The following NCOA1 variants were observed in gnomAD, a reference collection of about 807,000 sequenced individuals.
The protein encoded by NCOA1 is Hin-2 protein.
In NCOA1, 35 loss-of-function variants were observed where a neutral mutation model predicts 150.9. That is an observed-to-expected ratio of 0.23 (90% confidence interval 0.18 to 0.31). NCOA1 has a LOEUF of 0.31. Ranked by LOEUF, NCOA1 falls within the 10% of genes least tolerant of loss-of-function variation. The pLI is 1.00. For synonymous variants in NCOA1, 590 were observed against 630.0 expected (o/e 0.94, Z 0.95); for missense variants, 1,491 against 1,749.3 (o/e 0.85, Z 2.63).
intron 3 of NCOA1, among the ~76,000 whole-genome samples, chr2:24,641,368 G>T (rs1175276994): frequency 2.0e-5 from 3 of 151,234 alleles, no homozygotes; most frequent in Non-Finnish European, 3.0e-5. Flanking sequence ...TTCTTTTAAA[G>T]AATAAAAAGA....
chr2:24,655,424 G>A (rs1670894630), intron 4 of NCOA1, among the ~76,000 whole-genome samples: 1 of 151,878 alleles, frequency 6.6e-6, no homozygotes, highest in Admixed American at 6.6e-5. Flanking sequence ...CATAATACAT[G>A]GCATATATAA....
At position 24,769,683 on chromosome 2, in the gene NCOA1, A is replaced by G. The variant is rs1360316990; in HGVS notation, c.*1292A>G. 4.6e-6 allele frequency: 1 copy of G among 217,040 alleles called. No individual in the cohort carries two copies. Among genetic ancestry groups the G allele is most frequent in the Non-Finnish European group, 9.3e-6 (1 of 107,606 alleles). 13.4% of individuals were successfully genotyped at this position (217,040 alleles called of 1,614,324 possible). A position where few individuals can be genotyped will look rare whatever the true frequency, so the allele number is the denominator to read the frequency against. On this transcript the variant is annotated 3_prime_UTR_variant, in exon 23 of 23. Coordinates refer to ENST00000348332, the MANE Select transcript of NCOA1 (RefSeq NM_003743.5). The stretch of plus-strand genomic sequence containing the variant: ...TCCTGCTCTGAGGCTAATTGGTACC[A>G]TATTTTCCCTTTGTGTCTTGTGACT...
At chr2:24,524,006 A>G (rs1227048987) in intron 1 of NCOA1, among the ~76,000 whole-genome samples, 2 of 151,430 alleles carry the variant, frequency 1.3e-5, no homozygotes, top group Non-Finnish European at 2.9e-5. Flanking sequence ...GAAGGAGAAA[A>G]GTTGTGAAGA....
At chr2:24,709,222 A>C (rs1346897979) in intron 13 of NCOA1, among the ~76,000 whole-genome samples, 1 of 152,254 alleles carries the variant, frequency 6.6e-6, no homozygotes, top group Non-Finnish European at 1.5e-5. Context: ...TGTTTTGTGC[A>C]CATGTGTATG....
intron 14 of NCOA1, among the ~76,000 whole-genome samples, chr2:24,716,346 A>G (rs1330172474): frequency 1.3e-5 from 2 of 152,156 alleles, no homozygotes; most frequent in South Asian, 2.1e-4. Context: ...GTTTTGGAAT[A>G]AAAATAGACA....
At chr2:24,562,408 A>T (rs528475976) in intron 1 of NCOA1, among the ~76,000 whole-genome samples, 7 of 152,238 alleles carry the variant, frequency 4.6e-5, no homozygotes, top group Admixed American at 6.5e-5. Flanking sequence ...GCAGTCTGAA[A>T]CACTTCTGGT....
chr2:24,726,571 C>G lies in NCOA1; in HGVS notation c.2600-18C>G. On this transcript the variant is annotated intron_variant, in intron 14 of 22. Transcript: ENST00000348332. ...CTCCACTGAGATAATGACTTCTTAC[C>G]TTTTCTTCTTAAATCAGGATTACCT... is the stretch of plus-strand genomic sequence containing the variant. 1.3e-6 allele frequency: 2 copies of G among 1,537,316 alleles called. No homozygotes were observed. Among genetic ancestry groups the G allele is most frequent in the Non-Finnish European group, 1.8e-6 (2 of 1,116,450 alleles).
chr2:24,589,256 C>T (rs1667544750), intron 3 of NCOA1, among the ~76,000 whole-genome samples: 1 of 152,136 alleles, frequency 6.6e-6, no homozygotes, highest in African/African-American at 2.4e-5. Context: ...CCAGAACTGT[C>T]TGAGACCTGT....
chr2:24,768,005 T>G, intron 22 of NCOA1: 2 of 1,485,562 alleles, frequency 1.3e-6, no homozygotes, highest in Non-Finnish European at 1.9e-6. Flanking sequence ...ACCATTCCAA[T>G]TTTGATTTTA....
chr2:24,658,840 T>G lies in NCOA1; in HGVS notation c.89+74T>G, dbSNP rs1671058945. 4 of 1,331,420 alleles carry G rather than the reference T, an allele frequency of 3.0e-6. No homozygotes were observed. In the African/African-American group the frequency reaches 5.8e-5, roughly 19 times the overall value. 82.5% of individuals were successfully genotyped at this position (1,331,420 alleles called of 1,614,324 possible). On this transcript the variant is annotated intron_variant, in intron 5 of 22. Coordinates refer to ENST00000348332, the MANE Select transcript of NCOA1 (RefSeq NM_003743.5). ...TTCACTGCCACTTCAGAGCTTTTGT[T>G]TAATCTACTCCAAGTTCAGTGGCTT...
intron 3 of NCOA1, among the ~76,000 whole-genome samples, chr2:24,587,154 A>G (rs1667448931): frequency 6.6e-6 from 1 of 151,404 alleles, no homozygotes; most frequent in South Asian, 2.1e-4. Context: ...CAAACCACAC[A>G]CTGTAGCCCA....
chr2:24,565,239 C>G (rs1666450650), intron 2 of NCOA1, among the ~76,000 whole-genome samples: 1 of 152,182 alleles, frequency 6.6e-6, no homozygotes, highest in African/African-American at 2.4e-5. Context: ...GTTCTGTTTT[C>G]ACATGAATTC....
intron 3 of NCOA1, among the ~76,000 whole-genome samples, chr2:24,635,963 TGACATTA>T (rs1319534084): frequency 6.6e-6 from 1 of 152,186 alleles, no homozygotes; most frequent in Non-Finnish European, 1.5e-5. Context: ...TTCAATTTGC[TGACATTA>T]AACATTCCAC....
chr2:24,600,776 C>T (rs2148355863), intron 3 of NCOA1, among the ~76,000 whole-genome samples: 1 of 152,332 alleles, frequency 6.6e-6, no homozygotes, highest in Middle Eastern at 3.4e-3. Flanking sequence ...ATCCTCCAAA[C>T]CTTATTGCCT....
chr2:24,537,630 T>C (rs1431838570), intron 1 of NCOA1, among the ~76,000 whole-genome samples: 19 of 151,964 alleles, frequency 1.3e-4, no homozygotes, highest in Admixed American at 1.2e-3. Context: ...AAATAGCTGA[T>C]GTATAGGATG....
chr2:24,614,143 G>C (rs1010371898), intron 3 of NCOA1, among the ~76,000 whole-genome samples: 1 of 135,106 alleles, frequency 7.4e-6, no homozygotes, highest in African/African-American at 2.7e-5. Flanking sequence ...TGCCCCAGGA[G>C]TATCTGGAAG....
intron 13 of NCOA1, among the ~76,000 whole-genome samples, chr2:24,710,012 G>A (rs1354601373): frequency 6.6e-6 from 1 of 151,960 alleles, no homozygotes; most frequent in African/African-American, 2.4e-5. Context: ...GTGAAATAAA[G>A]GCCAGTTTTC....
At chr2:24,547,957 C>G (rs1383423240) in intron 1 of NCOA1, among the ~76,000 whole-genome samples, 1 of 135,220 alleles carries the variant, frequency 7.4e-6, no homozygotes. Context: ...CCACTGAACT[C>G]CAGCCTGGGC....
chr2:24,598,573 A>AT (rs1667976953), intron 3 of NCOA1, among the ~76,000 whole-genome samples: 1 of 152,182 alleles, frequency 6.6e-6, no homozygotes. Flanking sequence ...GAGAAGCCTG[A>AT]TAAGTAGAGT....
Sources: allele counts gnomAD v4.1 joint callset (sites outside exome capture counted in the v4.1 genomes callset), GRCh38; gene constraint gnomAD v4.1.1; transcripts MANE v1.5; gene names NCBI Gene and HGNC (gene_info 2026-07-23, HGNC 2026-07-21).